Variants in CCPG1 observed in about 807,000 individuals in gnomAD.
CCPG1 encodes the protein cell cycle progression protein 1.
Under a neutral mutation model 81.3 loss-of-function variants are expected in CCPG1, and 46 were observed. The ratio of observed to expected loss-of-function variants is 0.57; its 90% confidence interval spans 0.45 to 0.72. The LOEUF is 0.72. CCPG1 is among the 30% of genes least tolerant of loss of function. CCPG1 has a pLI of 0.00. For synonymous variants in CCPG1, 330 were observed against 305.2 expected (o/e 1.08, Z -0.85); for missense variants, 902 against 937.6 (o/e 0.96, Z 0.50).
chr15:55,379,130 T>C (rs2056625616), intron 3 of CCPG1, among the ~76,000 whole-genome samples: 1 of 123,834 alleles, frequency 8.1e-6, no homozygotes, highest in Non-Finnish European at 1.7e-5. Flanking sequence ...GGCTTCAAAC[T>C]ATGATTTATG....
intron 6 of CCPG1, among the ~76,000 whole-genome samples, chr15:55,366,377 T>G (rs190343806): frequency 8.5e-5 from 13 of 152,204 alleles, no homozygotes; most frequent in African/African-American, 3.1e-4. Flanking sequence ...CAGAAAATAA[T>G]TGGCTAATGG....
intron 3 of CCPG1, among the ~76,000 whole-genome samples, chr15:55,380,462 A>AT (rs1247030452): frequency 6.6e-6 from 1 of 151,116 alleles, no homozygotes; most frequent in Non-Finnish European, 1.5e-5. Flanking sequence ...CGCCCGGCTA[A>AT]TTTTTTGTAT....
intron 8 of CCPG1, chr15:55,359,013 T>G: frequency 1.0e-6 from 1 of 982,336 alleles, no homozygotes; most frequent in Non-Finnish European, 1.2e-6. Flanking sequence ...GTTTGCCTCT[T>G]TGTGCCTCTA....
chr15:55,390,398 T>C lies in CCPG1; in HGVS notation c.-9-965A>G, dbSNP rs955858382. On this transcript the variant is annotated intron_variant, in intron 1 of 8. Transcript: ENST00000442196. ...CCACCTGGTTTTTTCTTTTTGTATC[T>C]GAAACTCCTTTAAACTTCAAAACCC... is the stretch of plus-strand genomic sequence containing the variant. Among the ~76,000 whole-genome samples, 16 of 152,308 alleles carry C rather than the reference T, an allele frequency of 1.1e-4. 1 individual carries two copies. The highest frequency in any genetic ancestry group is 7.2e-4 in the Admixed American group (11 of 15,298).
At chr15:55,404,304 A>T (rs914753411) in intron 1 of CCPG1, among the ~76,000 whole-genome samples, 2 of 152,142 alleles carry the variant, frequency 1.3e-5, no homozygotes, top group Non-Finnish European at 2.9e-5. Context: ...ACTTGGTGTT[A>T]AGGTAAACCC....
intron 1 of CCPG1, among the ~76,000 whole-genome samples, chr15:55,392,523 T>G (rs893208351): frequency 2.0e-5 from 3 of 150,648 alleles, no homozygotes; most frequent in Admixed American, 1.3e-4. Context: ...TGGCCATGAT[T>G]TTTTTTTTAA....
At chr15:55,365,343 A>G in intron 6 of CCPG1, 34 bp from the exon 7 acceptor site, 1 of 1,238,268 alleles carries the variant, frequency 8.1e-7, no homozygotes, top group Non-Finnish European at 1.2e-6. Context: ...GGTATGTAAC[A>G]AAAATATTAT....
At chr15:55,375,601 G>T (rs7177362) in intron 5 of CCPG1, among the ~76,000 whole-genome samples, 17,280 of 151,858 alleles carry the variant, frequency 0.11, 1,465 homozygotes, top group African/African-American at 0.23. Flanking sequence ...GCTGGAAAAA[G>T]TGTTTTCACG....
intron 1 of CCPG1, among the ~76,000 whole-genome samples, chr15:55,407,605 C>A (rs904833744): frequency 1.3e-5 from 2 of 152,154 alleles, no homozygotes; most frequent in Non-Finnish European, 1.5e-5. Flanking sequence ...GCGTACAAGG[C>A]ACTGCATGGG....
At chr15:55,373,397 G>A (rs1490512658) in intron 5 of CCPG1, among the ~76,000 whole-genome samples, 2 of 152,152 alleles carry the variant, frequency 1.3e-5, no homozygotes, top group Non-Finnish European at 2.9e-5. Flanking sequence ...CATGCCACAG[G>A]AAAGCTGGTG....
chr15:55,368,767 C>T (rs2056384204), intron 6 of CCPG1, among the ~76,000 whole-genome samples: 1 of 152,164 alleles, frequency 6.6e-6, no homozygotes, highest in Non-Finnish European at 1.5e-5. Context: ...TGTATGGCAC[C>T]AGGGCTGGCA....
At chr15:55,407,670 T>C (rs1292064141) in intron 1 of CCPG1, among the ~76,000 whole-genome samples, 13 of 152,174 alleles carry the variant, frequency 8.5e-5, no homozygotes, top group Non-Finnish European at 1.5e-5. Context: ...AGGAGGCCAC[T>C]GGAACTGGAG....
At position 55,372,059 on chromosome 15, in the gene CCPG1, GT is replaced by G; in HGVS notation, c.455-16del. ...AGATGAAAATACTATTAAGAAAAAA[GT>G]TGACATTTAGCTATTCAAAATCTTG... On this transcript the variant is annotated splice_polypyrimidine_tract_variant and intron_variant, in intron 5 of 8. Transcript: ENST00000442196. The G allele has an allele frequency of 6.2e-7, 1 of 1,606,018 alleles. No individual in the cohort carries two copies. The highest frequency in any genetic ancestry group is 8.5e-7 in the Non-Finnish European group (1 of 1,175,412).
chr15:55,376,066 G>A (rs953975227), intron 5 of CCPG1, among the ~76,000 whole-genome samples: 1 of 152,156 alleles, frequency 6.6e-6, no homozygotes, highest in Non-Finnish European at 1.5e-5. Context: ...GTTGGCAAAT[G>A]TAAATATTAA....
At chr15:55,376,764 C>T (rs1857663103) in intron 5 of CCPG1, among the ~76,000 whole-genome samples, 185 bp downstream of exon 5, 2 of 152,150 alleles carry the variant, frequency 1.3e-5, no homozygotes, top group Admixed American at 6.5e-5. Flanking sequence ...TAAAAGATTG[C>T]TATGCTCCAG....
chr15:55,357,326 G>GT (rs904027070), intron 8 of CCPG1: 19 of 985,104 alleles, frequency 1.9e-5, no homozygotes, highest in Non-Finnish European at 1.7e-5. Context: ...TTTTCCAAAT[G>GT]TTTTTTCCTT....
At chr15:55,374,846 G>C (rs2056529402) in intron 5 of CCPG1, among the ~76,000 whole-genome samples, 1 of 152,124 alleles carries the variant, frequency 6.6e-6, no homozygotes, top group Non-Finnish European at 1.5e-5. Context: ...TGTATTTTCA[G>C]TAGAGAAGGG....
At chr15:55,367,354 A>AT (rs1192621320) in intron 6 of CCPG1, among the ~76,000 whole-genome samples, 1 of 152,212 alleles carries the variant, frequency 6.6e-6, no homozygotes, top group African/African-American at 2.4e-5. Flanking sequence ...CATATGCTTG[A>AT]TTACTGTCTT....
rs1257258288 is a variant in CCPG1 at position 55,356,340 on chromosome 15, G to T, written c.2304C>A (p.His768Gln). Residue 768 changes from histidine (H) to glutamine (Q), a missense_variant, in exon 9 of 9, where the codon CAC (histidine) becomes CAA (glutamine). By Grantham distance (24) the His-to-Gln change is conservative (BLOSUM62 0). Transcript: ENST00000442196. Reference sequence around the variant, plus strand: ...CCCTTTTATAAGGCTGTGGCTGAAGGTGCTTCTGCTCTTGTTTTCGATGCC... The same window carrying T: ...CCCTTTTATAAGGCTGTGGCTGAAGTTGCTTCTGCTCTTGTTTTCGATGCC... ...NSRHRKQEQK[H>Q]LQPQPYKREG... The T allele has an allele frequency of 6.5e-7, 1 of 1,535,536 alleles. No individual in the cohort carries two copies. The highest frequency in any genetic ancestry group is 2.4e-5 in the East Asian group (1 of 40,882).
Sources: gnomAD v4.1 joint callset for allele counts (sites outside exome capture counted in the v4.1 genomes callset) on GRCh38, gnomAD v4.1.1 for gene constraint, MANE v1.5 for transcripts, NCBI Gene and HGNC (gene_info 2026-07-23, HGNC 2026-07-21) for gene names.